Variants in KRIT1 observed in about 807,000 individuals in gnomAD.
KRIT1 encodes KRIT1 ankyrin repeat containing.
Under a neutral mutation model 95.8 loss-of-function variants are expected in KRIT1, and 45 were observed. The ratio of observed to expected loss-of-function variants is 0.47; its 90% confidence interval spans 0.37 to 0.60. The LOEUF (loss-of-function observed/expected upper bound fraction) is 0.60, where lower values mean the gene tolerates loss of function less well. Ranked by LOEUF, KRIT1 falls within the 20% of genes least tolerant of loss-of-function variation. The pLI is 0.00. For synonymous variants in KRIT1, 282 were observed against 278.8 expected, an observed-to-expected ratio of 1.01 and a Z score of -0.11; for missense variants, 788 against 877.5, an observed-to-expected ratio of 0.90 and a Z score of 1.29.
intron 3 of KRIT1, among the ~76,000 whole-genome samples, chr7:92,242,555 C>T (rs1799916691): frequency 6.6e-6 from 1 of 151,914 alleles, no homozygotes; most frequent in African/African-American, 2.4e-5. Context: ...CCATAAATTA[C>T]AAAAGTGAAT....
rs1450815343 is a variant in KRIT1, at chr7:92,234,483, T to C, written c.955A>G (p.Ser319Gly). The C allele has an allele frequency of 1.2e-6, 2 of 1,610,136 alleles. No homozygotes were observed. The highest frequency in any genetic ancestry group is 2.2e-5 in the East Asian group (1 of 44,862). Residue 319 changes from serine (S) to glycine (G), a missense_variant, in exon 10 of 19, where the codon AGT becomes GGT. By Grantham distance (56) the Ser-to-Gly change is moderately conservative (BLOSUM62 0). Coordinates refer to ENST00000394505, the MANE Select transcript of KRIT1 (RefSeq NM_194454.3). ...SERFSVNQLD[S>G]DHWAPIHYAC... ...TAATGAATGGGTGCCCAGTGGTCAC[T>C]ATCTAACTGGTTGACTGAAAATCTT...
chr7:92,200,563 G>A lies in KRIT1; in HGVS notation c.*173C>T, dbSNP rs888447688. The A allele has an allele frequency of 3.5e-5, 22 of 625,004 alleles. No homozygotes were observed. Among genetic ancestry groups the A allele is most frequent in the Admixed American group, 1.6e-4 (7 of 43,494 alleles). 38.7% of individuals were successfully genotyped at this position (625,004 alleles called of 1,614,324 possible). A position where few individuals can be genotyped will look rare whatever the true frequency, so the allele number is the denominator to read the frequency against. On this transcript the variant is annotated 3_prime_UTR_variant, in exon 19 of 19. Transcript: ENST00000394505. ...AGACAGGGTTTCACCATGTTGGCCAGGCTGGTCTTGAACTCTGACTTCAGG... is the reference window on the plus strand; with the variant it reads ...AGACAGGGTTTCACCATGTTGGCCAAGCTGGTCTTGAACTCTGACTTCAGG...
intron 10 of KRIT1, among the ~76,000 whole-genome samples, chr7:92,227,149 T>C (rs1796365490): frequency 6.6e-6 from 1 of 152,232 alleles, no homozygotes. Context: ...GAGACAAACA[T>C]GTATAAAATA....
intron 10 of KRIT1, among the ~76,000 whole-genome samples, chr7:92,227,547 T>C (rs1439798487): frequency 6.6e-6 from 1 of 152,158 alleles, no homozygotes; most frequent in East Asian, 1.9e-4. Flanking sequence ...TGAATGTTAC[T>C]GTTTTTGAGA....
intron 14 of KRIT1, among the ~76,000 whole-genome samples, chr7:92,215,112 A>C (rs536529987): frequency 1.3e-5 from 2 of 151,614 alleles, no homozygotes; most frequent in Non-Finnish European, 2.9e-5. Flanking sequence ...GATAGGAAAT[A>C]GTTATTTTTT....
rs760613422 is a variant in KRIT1, at chr7:92,200,689, A to C, written c.*47T>G. 12 of 1,222,194 alleles carry C rather than the reference A, an allele frequency of 9.8e-6. No homozygotes were observed. The highest frequency in any genetic ancestry group is 2.3e-5 in the East Asian group (1 of 43,072). 75.7% of individuals were successfully genotyped at this position (1,222,194 alleles called of 1,614,324 possible). On this transcript the variant is annotated 3_prime_UTR_variant, in exon 19 of 19. Coordinates refer to ENST00000394505, the MANE Select transcript of KRIT1 (RefSeq NM_194454.3). ...TTAAGAAATCTTTCACGGAAAAAAA[A>C]CTCTGCATTACAAAATGTGGTGGCT...
intron 16 of KRIT1, among the ~76,000 whole-genome samples, 168 bp from the exon 17 acceptor site, chr7:92,213,569 T>TA (rs990734572): frequency 1.6e-4 from 24 of 148,472 alleles, no homozygotes; most frequent in Middle Eastern, 3.4e-3. Flanking sequence ...ATGTTAATAT[T>TA]AAAAAAAAAA....
intron 17 of KRIT1, among the ~76,000 whole-genome samples, chr7:92,211,452 G>A (rs1035291605): frequency 2.0e-4 from 30 of 152,108 alleles, no homozygotes; most frequent in African/African-American, 4.3e-4. Flanking sequence ...TCTCATATAC[G>A]TGAGACGTTG....
chr7:92,228,966 T>A (rs1042999277), intron 10 of KRIT1, among the ~76,000 whole-genome samples: 1 of 152,188 alleles, frequency 6.6e-6, no homozygotes, highest in Non-Finnish European at 1.5e-5. Flanking sequence ...CATACCACAT[T>A]TTCTTTAACC....
rs1480771068 is a variant in KRIT1, at chr7:92,222,879, G to A, written c.1354C>T (p.Arg452Cys). The stretch of plus-strand genomic sequence containing the variant: ...TATTGCTGAGTTTCTTGAGAGAGAC[G>A]CATTCCTTCCATTATCTGCTGCACT... The part of the protein sequence containing the change: ...TTVQQIMEGM[R>C]LSQETQQYFT... Residue 452 changes from arginine to cysteine, a missense_variant, in exon 13 of 19, where the codon CGT (arginine) becomes TGT (cysteine). Arg to Cys is a radical substitution (Grantham distance 180, BLOSUM62 -3). Around this residue, in one of 3 missense-constraint regions of KRIT1, gnomAD observed 493 missense variants for 582.3 expected, o/e 0.85. Coordinates refer to ENST00000394505, the MANE Select transcript of KRIT1 (RefSeq NM_194454.3). 19 of 1,606,514 alleles carry A rather than the reference G, an allele frequency of 1.2e-5. No homozygotes were observed. Among genetic ancestry groups the A allele is most frequent in the Non-Finnish European group, 1.5e-5 (18 of 1,173,346 alleles).
intron 14 of KRIT1, among the ~76,000 whole-genome samples, chr7:92,217,221 T>TA (rs1031231570): frequency 1.3e-5 from 2 of 152,234 alleles, no homozygotes; most frequent in Non-Finnish European, 1.5e-5. Context: ...TGAGTATACT[T>TA]AGATTATATG....
At chr7:92,210,624 CAA>C (rs34054373) in intron 17 of KRIT1, among the ~76,000 whole-genome samples, 1 of 152,096 alleles carries the variant, frequency 6.6e-6, no homozygotes, top group Non-Finnish European at 1.5e-5. Context: ...TTGGTCTAGG[CAA>C]AGATTTTATG....
At chr7:92,216,425 C>T (rs1420199090) in intron 14 of KRIT1, among the ~76,000 whole-genome samples, 2 of 151,272 alleles carry the variant, frequency 1.3e-5, no homozygotes, top group Non-Finnish European at 2.9e-5. Flanking sequence ...ACTGAAGAGA[C>T]ATCCAAATAT....
intron 5 of KRIT1, among the ~76,000 whole-genome samples, chr7:92,239,496 CCAAGACTGAGGTAGA>C (rs1390677921): frequency 1.3e-5 from 2 of 152,066 alleles, no homozygotes; most frequent in African/African-American, 4.8e-5. Context: ...TCAGAGAAGT[CCAAGACTGAGGTAGA>C]TAAGACTGAC....
In KRIT1 at chr7:92,222,870, G is replaced by A. The variant is rs267607203; in HGVS notation, c.1363C>T (p.Gln455Ter). Residue 455 changes from glutamine (Q) to a stop codon, truncating the protein, a stop_gained, in exon 13 of 19, where the codon CAA becomes TAA. Coordinates refer to ENST00000394505, the MANE Select transcript of KRIT1 (RefSeq NM_194454.3). LOFTEE classifies it high-confidence loss of function. ...QQIMEGMRLS[Q>*]ETQQYFTIWI... ...ATAGTGAAATATTGCTGAGTTTCTT[G>A]AGAGAGACGCATTCCTTCCATTATC... The A allele has an allele frequency of 1.2e-6, 2 of 1,609,150 alleles. No homozygotes were observed. Among genetic ancestry groups the A allele is most frequent in the Admixed American group, 3.3e-5 (2 of 59,998 alleles).
At chr7:92,237,585 A>C in intron 6 of KRIT1, 82 bp downstream of exon 6, 1 of 709,506 alleles carries the variant, frequency 1.4e-6, no homozygotes, top group South Asian at 1.8e-5. Flanking sequence ...GTAACTATGA[A>C]TGCAAATTCT....
rs1798195394 is a variant in KRIT1 at position 92,235,299 on chromosome 7, C to T, written c.729+104G>A. On this transcript the variant is annotated intron_variant, in intron 8 of 18. Coordinates refer to ENST00000394505, the MANE Select transcript of KRIT1 (RefSeq NM_194454.3). Reference sequence around the variant, plus strand: ...ACAGGCGTGAGCCACTGTACCAGGCCTTCATGTTTATAATTAGTAATAGAT... The same window carrying T: ...ACAGGCGTGAGCCACTGTACCAGGCTTTCATGTTTATAATTAGTAATAGAT... The T allele has an allele frequency of 4.2e-6, 5 of 1,194,306 alleles. No individual in the cohort carries two copies. In the African/African-American group the frequency reaches 6.0e-5, roughly 14 times the overall value. The allele number at this position is 1,194,306 out of a possible 1,614,324, so 74.0% of individuals were successfully genotyped here. A position where few individuals can be genotyped will look rare whatever the true frequency, so the allele number is the denominator to read the frequency against.
intron 3 of KRIT1, among the ~76,000 whole-genome samples, chr7:92,243,642 A>G (rs1397677251): frequency 2.0e-5 from 3 of 152,206 alleles, no homozygotes; most frequent in Non-Finnish European, 4.4e-5. Context: ...TAATAATTAA[A>G]AAGTGCCTTA....
chr7:92,214,573 A>C (rs1793559210), intron 15 of KRIT1, 38 bp downstream of exon 15: 1 of 1,464,414 alleles, frequency 6.8e-7, no homozygotes, highest in Non-Finnish European at 9.6e-7. Flanking sequence ...CAGAATCTTA[A>C]GCATAGCACA....
Sources: allele counts gnomAD v4.1 joint callset (sites outside exome capture counted in the v4.1 genomes callset), GRCh38; gene constraint gnomAD v4.1.1; regional missense constraint gnomAD v4.1.1; transcripts MANE v1.5; gene names NCBI Gene and HGNC (gene_info 2026-07-23, HGNC 2026-07-21).